The following USP25 variants were observed in gnomAD, a reference collection of about 807,000 sequenced individuals.
The protein encoded by USP25 is ubiquitin carboxyl-terminal hydrolase 25.
In USP25, 85 loss-of-function variants were observed where a neutral mutation model predicts 158.5. The observed-to-expected ratio is 0.54, with a 90% CI of 0.45 to 0.64. The LOEUF (loss-of-function observed/expected upper bound fraction) is 0.64, where lower values mean the gene tolerates loss of function less well. Ranked by LOEUF, USP25 falls within the 30% of genes least tolerant of loss-of-function variation. The pLI, the probability that USP25 is intolerant of heterozygous loss-of-function variation, is 0.00. For missense variants in USP25, 1,242 were observed against 1,327.3 expected, an observed-to-expected ratio of 0.94 and a Z score of 1.00; for synonymous variants, 464 against 460.4, an observed-to-expected ratio of 1.01 and a Z score of -0.10.
At chr21:15,780,666 C>A (rs762770505) in intron 4 of USP25, among the ~76,000 whole-genome samples, 1 of 152,174 alleles carries the variant, frequency 6.6e-6, no homozygotes. Context: ...TTGTTATCTT[C>A]AGCCTGGAGT....
intron 14 of USP25, 68 bp downstream of exon 14, chr21:15,827,271 G>A: frequency 8.0e-7 from 1 of 1,252,504 alleles, no homozygotes; most frequent in Non-Finnish European, 1.1e-6. Context: ...ATATTGAGAA[G>A]GGAAATCACG....
At chr21:15,755,359 T>C (rs956035243) in intron 1 of USP25, among the ~76,000 whole-genome samples, 2 of 152,188 alleles carry the variant, frequency 1.3e-5, no homozygotes, top group Non-Finnish European at 2.9e-5. Flanking sequence ...CACAAACTGT[T>C]TTTCTCCTTT....
At chr21:15,864,842 G>C (rs2039587437) in intron 21 of USP25, among the ~76,000 whole-genome samples, 1 of 152,088 alleles carries the variant, frequency 6.6e-6, no homozygotes. Flanking sequence ...GACAGTAGCA[G>C]CTCCCAAGTT....
At position 15,830,467 on chromosome 21, in the gene USP25, G is replaced by A. The variant is rs184630294; in HGVS notation, c.1694-64G>A. ...TAACATGTTTGTAGGAAAAACATTA[G>A]TCCTTATCTTATAAGTAGAAACACA... On this transcript the variant is annotated intron_variant, in intron 14 of 25. Coordinates refer to ENST00000400183, the MANE Select transcript of USP25 (RefSeq NM_001283041.3). 154 of 1,418,224 alleles carry A rather than the reference G, an allele frequency of 1.1e-4. No individual in the cohort carries two copies. The East Asian group carries it at 3.5e-3, about 33-fold the overall frequency. The allele number at this position is 1,418,224 out of a possible 1,614,324, so 87.9% of individuals were successfully genotyped here. A position where few individuals can be genotyped will look rare whatever the true frequency, so the allele number is the denominator to read the frequency against.
rs182753376 is a variant in USP25 at position 15,788,459 on chromosome 21, G to A, written c.393-3043G>A. Among the ~76,000 whole-genome samples, 7 of 152,172 alleles carry A rather than the reference G, an allele frequency of 4.6e-5. No individual in the cohort carries two copies. In the East Asian group the frequency reaches 9.7e-4, roughly 21 times the overall value. Reference sequence around the variant, plus strand: ...TTCATCATCCATTTACTTTAAAAACGTGTTTATCACTCATTTATAATGTTT... The same window carrying A: ...TTCATCATCCATTTACTTTAAAAACATGTTTATCACTCATTTATAATGTTT... On this transcript the variant is annotated intron_variant, in intron 4 of 25. Transcript: ENST00000400183.
intron 5 of USP25, among the ~76,000 whole-genome samples, chr21:15,792,321 T>A (rs1276962875): frequency 2.6e-5 from 4 of 151,700 alleles, no homozygotes; most frequent in Non-Finnish European, 4.4e-5. Flanking sequence ...TAACAACTGT[T>A]ATCAAAATTC....
chr21:15,800,340 T>C (rs2146252278), intron 6 of USP25, among the ~76,000 whole-genome samples: 1 of 151,494 alleles, frequency 6.6e-6, no homozygotes, highest in Non-Finnish European at 1.5e-5. Flanking sequence ...GCGTGGGTTC[T>C]AGCTAGGGAC....
chr21:15,762,381 G>A (rs2123400989), intron 1 of USP25, among the ~76,000 whole-genome samples: 1 of 152,254 alleles, frequency 6.6e-6, no homozygotes, highest in South Asian at 2.1e-4. Context: ...ATAAAGAACT[G>A]AAGCAAATGG....
At chr21:15,824,215 G>A in intron 11 of USP25, 49 bp downstream of exon 11, 1 of 1,588,162 alleles carries the variant, frequency 6.3e-7, no homozygotes, top group African/African-American at 1.4e-5. Context: ...TTTAGTAAGG[G>A]AGAAAATATT....
chr21:15,782,963 G>T (rs1179717140), intron 4 of USP25, among the ~76,000 whole-genome samples: 1 of 152,026 alleles, frequency 6.6e-6, no homozygotes, highest in African/African-American at 2.4e-5. Flanking sequence ...TGACATTAAA[G>T]AAACTTTTGA....
chr21:15,823,138 A>T (rs1267779978), intron 10 of USP25, among the ~76,000 whole-genome samples: 1 of 152,078 alleles, frequency 6.6e-6, no homozygotes, highest in Non-Finnish European at 1.5e-5. Flanking sequence ...ATTATCACAC[A>T]CAATAGATTA....
intron 23 of USP25, among the ~76,000 whole-genome samples, chr21:15,872,219 A>G (rs2039924851): frequency 6.6e-6 from 1 of 152,080 alleles, no homozygotes; most frequent in Non-Finnish European, 1.5e-5. Context: ...AAGAACCATA[A>G]TTTTATAGAG....
intron 4 of USP25, among the ~76,000 whole-genome samples, chr21:15,787,706 G>A (rs2035356813): frequency 6.6e-6 from 1 of 151,954 alleles, no homozygotes; most frequent in Non-Finnish European, 1.5e-5. Context: ...GAAATCAAAT[G>A]AGATGTTTCA....
chr21:15,805,895 A>G (rs1162744472), intron 7 of USP25, among the ~76,000 whole-genome samples: 1 of 152,232 alleles, frequency 6.6e-6, no homozygotes, highest in Non-Finnish European at 1.5e-5. Flanking sequence ...TCAAAAAGCC[A>G]CTAAGCTTGC....
intron 22 of USP25, among the ~76,000 whole-genome samples, chr21:15,867,402 C>T (rs1362671491): frequency 6.6e-6 from 1 of 151,962 alleles, no homozygotes; most frequent in East Asian, 1.9e-4. Context: ...AAAACCTTAG[C>T]TAGTTTGGCG....
rs572556288 is a variant in USP25 at position 15,811,205 on chromosome 21, T to G, written c.926T>G (p.Leu309Arg). ...GGCAGATTCCTGGCTGTGGGAGTAC[T>G]TGAAGGTAGAGTTATACATTTACTT... is the stretch of plus-strand genomic sequence containing the variant. ...FYGRFLAVGV[L>R]EGKKFENTEM... is the part of the protein sequence containing the mutation. The change falls in exon 9 of 26, where the codon CTT (leucine) becomes CGT (arginine). Residue 309 changes from leucine (L) to arginine (R), a missense_variant. Transcript: ENST00000400183. 6.2e-7 allele frequency: 1 copy of G among 1,611,966 alleles called. No individual in the cohort carries two copies. Among genetic ancestry groups the G allele is most frequent in the East Asian group, 2.2e-5 (1 of 44,776 alleles).
chr21:15,853,703 T>C (rs1056396350), intron 20 of USP25, among the ~76,000 whole-genome samples: 1 of 152,232 alleles, frequency 6.6e-6, no homozygotes, highest in African/African-American at 2.4e-5. Context: ...CTGTATTAAA[T>C]GAATTTGGTG....
rs541349906 is a variant in USP25 at position 15,793,575 on chromosome 21, T to C, written c.555+1911T>C. ...AATTTTATCTAAGTTTAGTGGCTGC[T>C]TAACTCCTAACATAGGCAAGTATAA... On this transcript the variant is annotated intron_variant, in intron 5 of 25. Coordinates refer to ENST00000400183, the MANE Select transcript of USP25 (RefSeq NM_001283041.3). Among the ~76,000 whole-genome samples, 15 of 151,716 alleles carry C rather than the reference T, an allele frequency of 9.9e-5. No homozygotes were observed. In the East Asian group the frequency reaches 2.3e-3, roughly 24 times the overall value.
At chr21:15,774,158 A>G (rs905442699) in intron 3 of USP25, among the ~76,000 whole-genome samples, 3 of 152,220 alleles carry the variant, frequency 2.0e-5, no homozygotes, top group Non-Finnish European at 4.4e-5. Context: ...CAGTTATTCT[A>G]TGGTGGTATC....
Sources: gnomAD v4.1 joint callset for allele counts (sites outside exome capture counted in the v4.1 genomes callset) on GRCh38, gnomAD v4.1.1 for gene constraint, MANE v1.5 for transcripts, NCBI Gene and HGNC (gene_info 2026-07-23, HGNC 2026-07-21) for gene names.